The following AGBL4 variants were observed in gnomAD, a reference collection of about 807,000 sequenced individuals.
The protein encoded by AGBL4 is AGBL carboxypeptidase 4.
Under a neutral mutation model 66.4 loss-of-function variants are expected in AGBL4, and 58 were observed. The ratio of observed to expected loss-of-function variants is 0.87; its 90% CI spans 0.71 to 1.09. AGBL4 has a LOEUF of 1.09. AGBL4 is among the 50% of genes least tolerant of loss of function. The probability of loss-of-function intolerance (pLI) is 0.00; values close to 1 mark genes in which losing one functional copy is unlikely to be tolerated. For synonymous variants in AGBL4, 234 were observed against 222.9 expected, an observed-to-expected ratio of 1.05 and a Z score of -0.44; for missense variants, 579 against 631.0, an observed-to-expected ratio of 0.92 and a Z score of 0.88.
chr1:49,211,387 T>G (rs1648657540), intron 4 of AGBL4, among the ~76,000 whole-genome samples: 1 of 152,110 alleles, frequency 6.6e-6, no homozygotes, highest in African/African-American at 2.4e-5. Context: ...ACAAAGAGTA[T>G]GAGGAAAACA....
At chr1:49,813,384 A>G (rs950479289) in intron 2 of AGBL4, among the ~76,000 whole-genome samples, 1 of 152,154 alleles carries the variant, frequency 6.6e-6, no homozygotes, top group Non-Finnish European at 1.5e-5. Flanking sequence ...AAATATTGTC[A>G]TCAACCTATG....
intron 5 of AGBL4, chr1:49,025,628 G>A (rs1484013739): frequency 6.6e-6 from 1 of 152,088 alleles, no homozygotes; most frequent in Non-Finnish European, 1.5e-5. Context: ...TGAAAATGTG[G>A]CTTCAGAGGA....
intron 3 of AGBL4, among the ~76,000 whole-genome samples, chr1:49,504,409 G>A (rs903957065): frequency 4.6e-5 from 7 of 151,982 alleles, no homozygotes; most frequent in East Asian, 3.9e-4. Context: ...TTATTCCAAT[G>A]TTTTCATATT....
At chr1:49,836,965 AG>A (rs1645866928) in intron 2 of AGBL4, among the ~76,000 whole-genome samples, 2 of 152,176 alleles carry the variant, frequency 1.3e-5, no homozygotes, top group South Asian at 4.1e-4. Context: ...CGTTCCAGAG[AG>A]GCACCTGCCA....
At chr1:49,425,671 A>G (rs187125757) in intron 3 of AGBL4, among the ~76,000 whole-genome samples, 130 of 152,300 alleles carry the variant, frequency 8.5e-4, no homozygotes, top group African/African-American at 3.0e-3. Context: ...ATTACTTTCA[A>G]TGTCAGATCC....
chr1:49,648,673 C>T (rs1476688441), intron 3 of AGBL4, among the ~76,000 whole-genome samples: 2 of 151,840 alleles, frequency 1.3e-5, no homozygotes, highest in Admixed American at 1.3e-4. Context: ...ACCAACTTCT[C>T]TCCAGAAACT....
chr1:49,178,541 T>C (rs1293176010), intron 4 of AGBL4, among the ~76,000 whole-genome samples: 1 of 152,168 alleles, frequency 6.6e-6, no homozygotes, highest in Non-Finnish European at 1.5e-5. Context: ...CACTATATTC[T>C]TAGGGCTTGA....
chr1:49,127,179 C>T (rs1189591155), intron 4 of AGBL4, among the ~76,000 whole-genome samples: 1 of 152,144 alleles, frequency 6.6e-6, no homozygotes, highest in Non-Finnish European at 1.5e-5. Context: ...CATCACCAGG[C>T]TTTTTGCCTG....
chr1:49,494,641 A>G (rs900355229), intron 3 of AGBL4, among the ~76,000 whole-genome samples: 4 of 152,054 alleles, frequency 2.6e-5, no homozygotes, highest in African/African-American at 4.8e-5. Flanking sequence ...TCCATGGTGT[A>G]TATGTGCCAC....
intron 7 of AGBL4, 115 bp from the exon 8 acceptor site, chr1:48,653,566 TA>T: frequency 1.4e-6 from 1 of 703,236 alleles, no homozygotes; most frequent in Non-Finnish European, 2.5e-6. Context: ...CCTGTGTTGT[TA>T]TTGGCCACTG....
rs191391668 is a variant in AGBL4, at chr1:48,916,760, T to C, written c.595-49530A>G. Among the ~76,000 whole-genome samples, 260 of 152,312 alleles carry C rather than the reference T, an allele frequency of 1.7e-3. 2 individuals carry two copies. Among genetic ancestry groups the C allele is most frequent in the African/African-American group, 6.0e-3 (248 of 41,574 alleles). On this transcript the variant is annotated intron_variant, in intron 5 of 13. Transcript: ENST00000371839. The stretch of plus-strand genomic sequence containing the variant: ...TATCCCAGACTCTAGCAAAGTAGCA[T>C]GAAGCCTAGGACTTGGGAAGGGGTC...
chr1:49,262,586 C>A (rs2148366074), intron 3 of AGBL4, among the ~76,000 whole-genome samples: 1 of 152,204 alleles, frequency 6.6e-6, no homozygotes, highest in Admixed American at 6.5e-5. Context: ...CAGAGAAATG[C>A]AAATCAAAAC....
chr1:49,548,902 G>C (rs972959086), intron 3 of AGBL4, among the ~76,000 whole-genome samples: 4 of 152,018 alleles, frequency 2.6e-5, no homozygotes, highest in Non-Finnish European at 5.9e-5. Flanking sequence ...AAATCCGTCT[G>C]GTCTGGGACT....
At chr1:49,738,609 C>T (rs955690387) in intron 2 of AGBL4, among the ~76,000 whole-genome samples, 3 of 152,192 alleles carry the variant, frequency 2.0e-5, no homozygotes, top group Admixed American at 6.5e-5. Flanking sequence ...ACTGCCTCCT[C>T]AAGTGGGTCC....
At chr1:48,612,265 C>A (rs1475035067) in intron 9 of AGBL4, among the ~76,000 whole-genome samples, 2 of 152,216 alleles carry the variant, frequency 1.3e-5, no homozygotes, top group African/African-American at 2.4e-5. Context: ...AATTAATAAG[C>A]CCAATTCTTA....
intron 4 of AGBL4, among the ~76,000 whole-genome samples, chr1:49,076,373 T>A (rs1207917056): frequency 1.3e-5 from 2 of 152,232 alleles, no homozygotes; most frequent in Non-Finnish European, 2.9e-5. Context: ...TTATACTATA[T>A]TTAGAAATTT....
chr1:49,314,141 T>A (rs1384527065), intron 3 of AGBL4, among the ~76,000 whole-genome samples: 2 of 152,206 alleles, frequency 1.3e-5, no homozygotes, highest in Non-Finnish European at 2.9e-5. Flanking sequence ...TCCCCACTGC[T>A]TGTTTTTGTC....
At chr1:49,616,651 GATGTCTA>G (rs1645254714) in intron 3 of AGBL4, among the ~76,000 whole-genome samples, 1 of 152,082 alleles carries the variant, frequency 6.6e-6, no homozygotes, top group Non-Finnish European at 1.5e-5. Flanking sequence ...TCTTTACTTA[GATGTCTA>G]ATAAGTATCC....
intron 3 of AGBL4, among the ~76,000 whole-genome samples, chr1:49,579,276 A>G (rs556282380): frequency 9.5e-4 from 145 of 152,314 alleles, no homozygotes; most frequent in African/African-American, 2.9e-3. Flanking sequence ...TCCTCTAGAG[A>G]ACCCTAATAC....
Sources: allele counts gnomAD v4.1 joint callset (sites outside exome capture counted in the v4.1 genomes callset), GRCh38; gene constraint gnomAD v4.1.1; transcripts MANE v1.5; gene names NCBI Gene and HGNC (gene_info 2026-07-23, HGNC 2026-07-21).